Variants in PICALM observed in about 807,000 individuals in gnomAD.
The protein encoded by PICALM is phosphatidylinositol binding clathrin assembly protein, also known as phosphatidylinositol-binding clathrin assembly protein.
A neutral mutation model predicts 80.5 loss-of-function variants in PICALM; 40 were observed. The observed-to-expected ratio is 0.50, with a 90% CI of 0.39 to 0.65. PICALM has a LOEUF of 0.65. Ranked by LOEUF, PICALM falls within the 30% of genes least tolerant of loss-of-function variation. PICALM has a pLI of 0.00. For missense variants in PICALM, 676 were observed against 778.9 expected, an observed-to-expected ratio of 0.87 and a Z score of 1.57; for synonymous variants, 288 against 260.3, an observed-to-expected ratio of 1.11 and a Z score of -1.02.
intron 19 of PICALM, among the ~76,000 whole-genome samples, chr11:85,962,971 C>T (rs1289209419): frequency 1.3e-5 from 2 of 152,128 alleles, no homozygotes; most frequent in Non-Finnish European, 2.9e-5. Flanking sequence ...AGGAAATGTG[C>T]TTCAGTAGCC....
intron 1 of PICALM, among the ~76,000 whole-genome samples, chr11:86,051,866 T>C (rs1420214238): frequency 1.3e-5 from 2 of 152,228 alleles, no homozygotes; most frequent in Non-Finnish European, 2.9e-5. Flanking sequence ...ATTTATTCTC[T>C]ATGTCTTCTT....
intron 12 of PICALM, among the ~76,000 whole-genome samples, chr11:85,991,057 T>G (rs544767343): frequency 6.6e-6 from 1 of 152,314 alleles, no homozygotes; most frequent in East Asian, 1.9e-4. Flanking sequence ...AAAGTGTTGT[T>G]TGCCTACTAG....
At chr11:85,990,123 A>T in intron 13 of PICALM, 127 bp downstream of exon 13, 5 of 442,998 alleles carry the variant, frequency 1.1e-5, no homozygotes, top group East Asian at 7.1e-5. Context: ...ATGGCTGGTT[A>T]GTTTTAGAAT....
At chr11:85,981,809 A>T in intron 15 of PICALM, 34 bp from the exon 16 acceptor site, 1 of 1,611,742 alleles carries the variant, frequency 6.2e-7, no homozygotes, top group Non-Finnish European at 8.5e-7. Flanking sequence ...AGCATTTTAT[A>T]ACACGAGACG....
chr11:85,982,505 G>T (rs2094471904), intron 14 of PICALM, among the ~76,000 whole-genome samples: 47 of 130,060 alleles, frequency 3.6e-4, no homozygotes, highest in African/African-American at 1.4e-3. Flanking sequence ...TCGGCTCACT[G>T]CAAGCTCCAC....
chr11:86,002,629 A>C (rs2095174312), intron 9 of PICALM, among the ~76,000 whole-genome samples: 1 of 152,198 alleles, frequency 6.6e-6, no homozygotes, highest in African/African-American at 2.4e-5. Flanking sequence ...ATGCAATTTG[A>C]TGTCAGATAT....
chr11:86,050,540 T>TC (rs1331337762), intron 1 of PICALM, among the ~76,000 whole-genome samples: 1 of 152,178 alleles, frequency 6.6e-6, no homozygotes, highest in Non-Finnish European at 1.5e-5. Context: ...AGAAACACAG[T>TC]CCTTCCATCA....
Position 85,996,912 on chromosome 11 carries a change from T to C in PICALM, c.1172A>G (p.Asn391Ser), listed in dbSNP as rs754255547. The stretch of plus-strand genomic sequence containing the variant: ...TGGCTGCTGCAAATCAAGCAGATCA[T>C]TGGGCAGCTTTGATGTGCTAGAAAG... ...SSSNSTSKLP[N>S]DLLDLQQPTF... The change falls in exon 12 of 20, where the codon AAT (asparagine) becomes AGT (serine). Residue 391 changes from asparagine to serine, a missense_variant. By Grantham distance (46) the Asn-to-Ser change is conservative (BLOSUM62 1). This residue lies in a region of PICALM where 391 missense variants were observed against 383.6 expected (regional missense o/e 1.02). Coordinates refer to ENST00000393346, the MANE Select transcript of PICALM (RefSeq NM_007166.4). The C allele has an allele frequency of 1.5e-5, 24 of 1,611,674 alleles. No individual in the cohort carries two copies. Among genetic ancestry groups the C allele is most frequent in the Admixed American group, 8.4e-5 (5 of 59,816 alleles).
At chr11:85,968,411 G>T (rs1244630976) in intron 19 of PICALM, among the ~76,000 whole-genome samples, 1 of 152,140 alleles carries the variant, frequency 6.6e-6, no homozygotes, top group East Asian at 1.9e-4. Flanking sequence ...TAGGCAGATT[G>T]ATATGTGATC....
intron 1 of PICALM, among the ~76,000 whole-genome samples, chr11:86,064,422 G>C (rs1281007909): frequency 1.3e-5 from 2 of 152,276 alleles, no homozygotes; most frequent in East Asian, 1.9e-4. Context: ...CACTTTAGGA[G>C]GCTCAGCTGG....
chr11:85,965,807 GTTTTTTTGTTTTTTTTTTT>G lies in PICALM; in HGVS notation c.1945-6766_1945-6748del, dbSNP rs989247642. On this transcript the variant is annotated intron_variant, in intron 19 of 19. Transcript: ENST00000393346. Reference sequence around the variant, plus strand: ...TCACCTTGAATGCATTACCCATTTTGTTTTTTTGTTTTTTTTTTTTTTTTTTTTTTTGAGACAGACTCTC... The same window carrying G: ...TCACCTTGAATGCATTACCCATTTTGTTTTTTTTTTTTGAGACAGACTCTC... Among the ~76,000 whole-genome samples the G allele has an allele frequency of 4.2e-4, 33 of 79,262 alleles. 2 individuals are homozygous for G. Among genetic ancestry groups the G allele is most frequent in the Admixed American group, 1.2e-3 (8 of 6,776 alleles). 52.0% of individuals were successfully genotyped at this position (79,262 alleles called of 152,430 possible).
At chr11:85,993,494 A>AGGG (rs1449163011) in intron 12 of PICALM, among the ~76,000 whole-genome samples, 1 of 151,990 alleles carries the variant, frequency 6.6e-6, no homozygotes, top group Non-Finnish European at 1.5e-5. Context: ...GCTAGAATGC[A>AGGG]GGGGCATGAT....
intron 4 of PICALM, among the ~76,000 whole-genome samples, chr11:86,016,514 T>C (rs891889916): frequency 2.0e-5 from 3 of 152,246 alleles, no homozygotes; most frequent in African/African-American, 7.2e-5. Flanking sequence ...AGATCATTAA[T>C]ATAATCACTC....
intron 1 of PICALM, among the ~76,000 whole-genome samples, chr11:86,064,264 G>A (rs982089082): frequency 2.0e-5 from 3 of 152,148 alleles, no homozygotes; most frequent in African/African-American, 7.2e-5. Context: ...TGTTGATAAT[G>A]GATGCTTAGT....
chr11:86,046,868 C>T (rs990586665), intron 1 of PICALM, among the ~76,000 whole-genome samples: 4 of 152,130 alleles, frequency 2.6e-5, no homozygotes, highest in African/African-American at 9.7e-5. Context: ...AAACTCCTGG[C>T]CTTAAGTGAT....
At chr11:86,045,410 G>C (rs2096054915) in intron 1 of PICALM, among the ~76,000 whole-genome samples, 2 of 150,420 alleles carry the variant, frequency 1.3e-5, no homozygotes, top group African/African-American at 4.9e-5. Flanking sequence ...GTTGAGGTGG[G>C]TGGATCACTT....
intron 12 of PICALM, among the ~76,000 whole-genome samples, chr11:85,996,380 G>A (rs921289056): frequency 9.2e-5 from 14 of 151,750 alleles, no homozygotes; most frequent in African/African-American, 3.1e-4. Context: ...GACAATTATG[G>A]TCACAACATG....
intron 8 of PICALM, among the ~76,000 whole-genome samples, chr11:86,006,071 A>C (rs1273661383): frequency 6.6e-6 from 1 of 152,216 alleles, no homozygotes; most frequent in Non-Finnish European, 1.5e-5. Flanking sequence ...ATAAAACATA[A>C]GGGAAGCATA....
chr11:85,990,754 T>C (rs1159381195), intron 12 of PICALM, among the ~76,000 whole-genome samples: 1 of 152,180 alleles, frequency 6.6e-6, no homozygotes, highest in Non-Finnish European at 1.5e-5. Flanking sequence ...TATAGCTGTG[T>C]TTACTTGAAT....
Sources: allele counts gnomAD v4.1 joint callset (sites outside exome capture counted in the v4.1 genomes callset), GRCh38; gene constraint gnomAD v4.1.1; regional missense constraint gnomAD v4.1.1; transcripts MANE v1.5; gene names NCBI Gene and HGNC (gene_info 2026-07-23, HGNC 2026-07-21).